The following CNTN6 variants were observed in gnomAD, a reference collection of about 807,000 sequenced individuals.
CNTN6 encodes contactin-6.
CNTN6 carries 137 observed loss-of-function variants against 122.8 expected under a neutral mutation model. The ratio of observed to expected loss-of-function variants is 1.12; its 90% CI spans 0.97 to 1.29. CNTN6 has a LOEUF of 1.29. Among genes scored for constraint, CNTN6 ranks in the 50% most tolerant of loss-of-function variants. CNTN6 has a pLI of 0.00. For missense variants in CNTN6, 1,634 were observed against 1,223.4 expected, an observed-to-expected ratio of 1.34 and a Z score of -5.01; for synonymous variants, 570 against 426.0, an observed-to-expected ratio of 1.34 and a Z score of -4.16.
chr3:1,362,354 C>T (rs9829288), intron 12 of CNTN6, among the ~76,000 whole-genome samples: 56,780 of 151,806 alleles, frequency 0.37, 11,655 homozygotes, highest in African/African-American at 0.52. Flanking sequence ...TAACAGGTCA[C>T]AGCGATAGAA....
chr3:1,259,575 C>G (rs568926989), intron 4 of CNTN6, among the ~76,000 whole-genome samples: 4 of 152,016 alleles, frequency 2.6e-5, no homozygotes, highest in Admixed American at 6.6e-5. Context: ...ACACAAAGGA[C>G]TAAATACAAG....
intron 4 of CNTN6, among the ~76,000 whole-genome samples, chr3:1,266,017 G>C (rs1337816097): frequency 1.3e-5 from 2 of 150,744 alleles, no homozygotes; most frequent in African/African-American, 4.9e-5. Flanking sequence ...TAAAGTTAAA[G>C]GTGTTTTTTT....
intron 4 of CNTN6, among the ~76,000 whole-genome samples, chr3:1,261,517 A>C (rs1329035198): frequency 6.7e-6 from 1 of 148,344 alleles, no homozygotes; most frequent in East Asian, 2.2e-4. Context: ...TCAGGACTTC[A>C]ATTTCTGGTA....
chr3:1,283,224 G>A (rs1306379075), intron 5 of CNTN6, among the ~76,000 whole-genome samples: 1 of 152,052 alleles, frequency 6.6e-6, no homozygotes, highest in Admixed American at 6.6e-5. Context: ...CAAAGTCCTG[G>A]GATCACCGGT....
chr3:1,109,649 C>T (rs972101296), intron 1 of CNTN6, among the ~76,000 whole-genome samples: 5 of 152,114 alleles, frequency 3.3e-5, no homozygotes, highest in Admixed American at 6.6e-5. Context: ...TTTCTCTTAA[C>T]ATATTTGCAA....
At chr3:1,264,480 G>A (rs2094896094) in intron 4 of CNTN6, among the ~76,000 whole-genome samples, 1 of 152,126 alleles carries the variant, frequency 6.6e-6, no homozygotes, top group Non-Finnish European at 1.5e-5. Flanking sequence ...TTGAGTGGTT[G>A]ATGTCATTTG....
chr3:1,190,285 T>TTA (rs2093683033), intron 2 of CNTN6, among the ~76,000 whole-genome samples: 1 of 152,000 alleles, frequency 6.6e-6, no homozygotes, highest in South Asian at 2.1e-4. Flanking sequence ...ACTCCTAAAG[T>TTA]CCCCACCTCC....
At chr3:1,173,330 TGC>T (rs2093394301) in intron 2 of CNTN6, 1 of 456,318 alleles carries the variant, frequency 2.2e-6, no homozygotes, top group East Asian at 6.9e-5. Context: ...TGAGTGTGAA[TGC>T]TCCAGTAAAA....
chr3:1,184,390 G>A (rs1001272389), intron 2 of CNTN6, among the ~76,000 whole-genome samples: 11 of 152,102 alleles, frequency 7.2e-5, no homozygotes, highest in South Asian at 2.1e-4. Flanking sequence ...TGAAGGTAAC[G>A]CTCATATGAT....
intron 7 of CNTN6, among the ~76,000 whole-genome samples, chr3:1,321,266 A>G (rs1575691594): frequency 6.6e-6 from 1 of 151,756 alleles, no homozygotes; most frequent in African/African-American, 2.4e-5. Flanking sequence ...TAATAAATTG[A>G]CATAATCTTG....
intron 4 of CNTN6, among the ~76,000 whole-genome samples, chr3:1,240,214 AATC>A (rs2094465085): frequency 6.6e-6 from 1 of 152,176 alleles, no homozygotes; most frequent in Admixed American, 6.5e-5. Flanking sequence ...CCAAAGAAAT[AATC>A]ATGAGAGTTT....
intron 2 of CNTN6, among the ~76,000 whole-genome samples, chr3:1,197,965 G>A (rs1873181): frequency 4.6e-5 from 7 of 151,828 alleles, no homozygotes; most frequent in African/African-American, 1.5e-4. Context: ...AAATTACTTT[G>A]ACAGTATCCA....
chr3:1,207,984 T>G (rs76611122), intron 2 of CNTN6, among the ~76,000 whole-genome samples: 1 of 152,154 alleles, frequency 6.6e-6, no homozygotes, highest in African/African-American at 2.4e-5. Context: ...CATCAAATCA[T>G]TTATAATATT....
At chr3:1,124,501 A>G (rs80279639) in intron 1 of CNTN6, among the ~76,000 whole-genome samples, 2,474 of 151,930 alleles carry the variant, frequency 0.016, 66 homozygotes, top group African/African-American at 0.056. Flanking sequence ...ATCCTGTCCC[A>G]TAAGAATGAT....
intron 4 of CNTN6, among the ~76,000 whole-genome samples, chr3:1,241,611 G>A (rs1015342230): frequency 2.0e-5 from 3 of 152,166 alleles, no homozygotes; most frequent in African/African-American, 7.2e-5. Flanking sequence ...ATTAGAGAGT[G>A]CCCAAGGGGG....
At chr3:1,254,926 T>G in intron 4 of CNTN6, among the ~76,000 whole-genome samples, 1 of 152,060 alleles carries the variant, frequency 6.6e-6, no homozygotes, top group South Asian at 2.1e-4. Context: ...GTTCCTCTGG[T>G]CTTCTTGGGG....
At chr3:1,246,075 T>C (rs972316009) in intron 4 of CNTN6, among the ~76,000 whole-genome samples, 16 of 152,112 alleles carry the variant, frequency 1.1e-4, no homozygotes, top group Admixed American at 3.3e-4. Context: ...TCCCTAGAAG[T>C]ATAATATATA....
intron 2 of CNTN6, among the ~76,000 whole-genome samples, chr3:1,189,180 C>T (rs529054503): frequency 1.2e-3 from 175 of 152,096 alleles, no homozygotes; most frequent in Non-Finnish European, 2.2e-3. Flanking sequence ...TCAGAACAGC[C>T]ATGTGACCCA....
At chr3:1,138,222 C>A (rs1372863004) in intron 1 of CNTN6, among the ~76,000 whole-genome samples, 1 of 152,176 alleles carries the variant, frequency 6.6e-6, no homozygotes, top group African/African-American at 2.4e-5. Context: ...GGAACTAGCA[C>A]CTCCCTGGTT....
Sources: gnomAD v4.1 joint callset for allele counts (sites outside exome capture counted in the v4.1 genomes callset) on GRCh38, gnomAD v4.1.1 for gene constraint, MANE v1.5 for transcripts, NCBI Gene and HGNC (gene_info 2026-07-23, HGNC 2026-07-21) for gene names.